Variants in EBF1 observed in about 807,000 individuals in gnomAD.
The protein encoded by EBF1 is EBF transcription factor 1.
Under a neutral mutation model 68.4 loss-of-function variants are expected in EBF1, and 10 were observed. That is an observed-to-expected ratio of 0.15 (90% CI 0.09 to 0.25). The LOEUF is 0.25. Ranked by LOEUF, EBF1 falls within the 10% of genes least tolerant of loss-of-function variation. The pLI, the probability that EBF1 is intolerant of heterozygous loss-of-function variation, is 1.00. For synonymous variants in EBF1, 298 were observed against 299.8 expected, an observed-to-expected ratio of 0.99 and a Z score of 0.06; for missense variants, 509 against 794.4, an observed-to-expected ratio of 0.64 and a Z score of 4.32.
intron 10 of EBF1, among the ~76,000 whole-genome samples, chr5:158,751,037 TG>T (rs1768765422): frequency 6.6e-6 from 1 of 152,106 alleles, no homozygotes; most frequent in African/African-American, 2.4e-5. Flanking sequence ...TTAGGCTATG[TG>T]AAAAAAACAG....
At chr5:159,024,082 C>A (rs956479342) in intron 6 of EBF1, among the ~76,000 whole-genome samples, 2 of 152,094 alleles carry the variant, frequency 1.3e-5, no homozygotes, top group Non-Finnish European at 2.9e-5. Flanking sequence ...AAAGGGAAAG[C>A]CCATAGTATT....
At chr5:158,862,023 A>G (rs976254970) in intron 6 of EBF1, among the ~76,000 whole-genome samples, 3 of 152,214 alleles carry the variant, frequency 2.0e-5, no homozygotes, top group African/African-American at 7.2e-5. Flanking sequence ...TTCATCATAT[A>G]CAGTAGACAT....
chr5:158,800,362 T>C (rs7709075), intron 8 of EBF1, among the ~76,000 whole-genome samples: 129,530 of 152,118 alleles, frequency 0.85, 55,496 homozygotes, highest in East Asian at 0.97. Context: ...GAAGGATATG[T>C]ATAACTGTCC....
At chr5:159,048,578 AC>A (rs1280425224) in intron 6 of EBF1, among the ~76,000 whole-genome samples, 1 of 152,196 alleles carries the variant, frequency 6.6e-6, no homozygotes, top group African/African-American at 2.4e-5. Flanking sequence ...TTCCAATGGG[AC>A]CATGTACCAG....
chr5:158,743,245 G>A (rs925845996), intron 10 of EBF1, among the ~76,000 whole-genome samples: 5 of 152,204 alleles, frequency 3.3e-5, no homozygotes, highest in Admixed American at 3.3e-4. Flanking sequence ...GGTATGGAAA[G>A]ATAAATAGGA....
intron 9 of EBF1, among the ~76,000 whole-genome samples, chr5:158,791,279 A>T (rs970867582): frequency 6.7e-6 from 1 of 149,500 alleles, no homozygotes; most frequent in African/African-American, 2.5e-5. Flanking sequence ...AGACCATGCC[A>T]CTGCACTCCA....
At chr5:158,737,740 G>A (rs1765524833) in intron 10 of EBF1, among the ~76,000 whole-genome samples, 1 of 152,082 alleles carries the variant, frequency 6.6e-6, no homozygotes, top group Non-Finnish European at 1.5e-5. Flanking sequence ...AAAGAGTGCA[G>A]CCAGGGTAAC....
chr5:158,855,012 A>G (rs547187914), intron 6 of EBF1, among the ~76,000 whole-genome samples: 1 of 152,198 alleles, frequency 6.6e-6, no homozygotes, highest in Non-Finnish European at 1.5e-5. Context: ...CCCAGGTCAC[A>G]TATAAGTGAA....
In EBF1 at chr5:158,929,585, T is replaced by C. The variant is rs1035440422; in HGVS notation, c.555-89475A>G. Among the ~76,000 whole-genome samples the C allele has an allele frequency of 2.0e-5, 3 of 152,242 alleles. No homozygotes were observed. The East Asian group carries it at 5.8e-4, about 29-fold the overall frequency. On this transcript the variant is annotated intron_variant, in intron 6 of 15. Coordinates refer to ENST00000313708, the MANE Select transcript of EBF1 (RefSeq NM_024007.5). ...CCTTCATAATTAGGTATATACACTA[T>C]ACCAGCTCACTGCCTAATTAGCAAA...
chr5:158,952,714 A>G (rs1259741245), intron 6 of EBF1, among the ~76,000 whole-genome samples: 1 of 152,240 alleles, frequency 6.6e-6, no homozygotes, highest in Non-Finnish European at 1.5e-5. Flanking sequence ...TGCAAGAATT[A>G]TGTGCAACAA....
chr5:158,976,792 C>G (rs1018853977), intron 6 of EBF1, among the ~76,000 whole-genome samples: 8 of 152,284 alleles, frequency 5.3e-5, no homozygotes, highest in Non-Finnish European at 1.0e-4. Flanking sequence ...CATCACAGTA[C>G]TGATTAAAGA....
At chr5:158,794,150 C>A (rs1026932513) in intron 9 of EBF1, among the ~76,000 whole-genome samples, 1 of 152,144 alleles carries the variant, frequency 6.6e-6, no homozygotes, top group Non-Finnish European at 1.5e-5. Context: ...AAAGCAGGGG[C>A]TGGACAATGA....
chr5:159,077,952 C>T (rs1458656897), intron 5 of EBF1, among the ~76,000 whole-genome samples: 3 of 151,962 alleles, frequency 2.0e-5, no homozygotes, highest in Admixed American at 2.0e-4. Flanking sequence ...GTTGCCCAGG[C>T]TGGTCTCAAA....
chr5:158,807,578 C>G (rs1781821440), intron 8 of EBF1, among the ~76,000 whole-genome samples: 1 of 152,126 alleles, frequency 6.6e-6, no homozygotes, highest in African/African-American at 2.4e-5. Flanking sequence ...CATGATCTAC[C>G]ACTGTGCAAC....
In EBF1 at chr5:158,960,516, A is replaced by C. The variant is rs542765860; in HGVS notation, c.554+112880T>G. Reference sequence around the variant, plus strand: ...AGACTTAAGTATATTAAAATTGTACATCTCTGTAAAAAAAAATTTAAATTG... The same window carrying C: ...AGACTTAAGTATATTAAAATTGTACCTCTCTGTAAAAAAAAATTTAAATTG... On this transcript the variant is annotated intron_variant, in intron 6 of 15. Coordinates refer to ENST00000313708, the MANE Select transcript of EBF1 (RefSeq NM_024007.5). Among the ~76,000 whole-genome samples, 236 of 152,302 alleles carry C rather than the reference A, an allele frequency of 1.5e-3. 1 individual carries two copies. Among genetic ancestry groups the C allele is most frequent in the African/African-American group, 5.5e-3 (228 of 41,568 alleles).
chr5:158,990,670 T>G (rs1760128363), intron 6 of EBF1, among the ~76,000 whole-genome samples: 1 of 152,212 alleles, frequency 6.6e-6, no homozygotes, highest in Non-Finnish European at 1.5e-5. Flanking sequence ...AGCAAGTCCC[T>G]TAGTCTCCCT....
chr5:158,875,071 A>ACG (rs1797591165), intron 6 of EBF1, among the ~76,000 whole-genome samples: 1 of 151,440 alleles, frequency 6.6e-6, no homozygotes, highest in African/African-American at 2.4e-5. Context: ...ACACACACAC[A>ACG]CACACACACA....
At chr5:158,799,586 A>T (rs1780215234) in intron 8 of EBF1, among the ~76,000 whole-genome samples, 1 of 152,192 alleles carries the variant, frequency 6.6e-6, no homozygotes, top group Admixed American at 6.5e-5. Flanking sequence ...AGCTATTGTT[A>T]AGAATTCACA....
At chr5:158,929,971 A>G (rs990391048) in intron 6 of EBF1, among the ~76,000 whole-genome samples, 6 of 152,234 alleles carry the variant, frequency 3.9e-5, no homozygotes, top group African/African-American at 1.4e-4. Flanking sequence ...AGTCAAGAGC[A>G]GGAAGTTTTA....
Sources: gnomAD v4.1 joint callset for allele counts (sites outside exome capture counted in the v4.1 genomes callset) on GRCh38, gnomAD v4.1.1 for gene constraint, MANE v1.5 for transcripts, NCBI Gene and HGNC (gene_info 2026-07-23, HGNC 2026-07-21) for gene names.